AP1S1: variants seen among roughly 807,000 people sequenced by gnomAD.
AP1S1 encodes the protein adaptor related protein complex 1 subunit sigma 1, also known as AP-1 complex subunit sigma-1A.
AP1S1 carries 13 observed loss-of-function variants against 23.9 expected under a neutral mutation model. The observed-to-expected ratio is 0.54, with a 90% CI of 0.35 to 0.86. AP1S1 has a LOEUF of 0.86. Ranked by LOEUF, AP1S1 falls within the 40% of genes least tolerant of loss-of-function variation. The pLI is 0.01. For synonymous variants in AP1S1, 84 were observed against 77.7 expected, an observed-to-expected ratio of 1.08 and a Z score of -0.43; for missense variants, 119 against 197.6, an observed-to-expected ratio of 0.60 and a Z score of 2.38.
At chr7:101,160,228 T>C (rs1021890233) in intron 4 of AP1S1, among the ~76,000 whole-genome samples, 6 of 151,720 alleles carry the variant, frequency 4.0e-5, no homozygotes, top group Non-Finnish European at 7.4e-5. Context: ...CCCCCAGGTG[T>C]CAAGGCGGGG....
rs1465500913 is a variant in AP1S1 at position 101,158,900 on chromosome 7, GTC to G, written c.292-155_292-154del. On this transcript the variant is annotated intron_variant, in intron 3 of 4. Transcript: ENST00000337619. ...CCTGGACGACAGAGCAAGAGACCCT[GTC>G]TCTAACAAAATAACGAAACAAAAAA... Among the ~76,000 whole-genome samples, 11 of 152,260 alleles carry G rather than the reference GTC, an allele frequency of 7.2e-5. No individual in the cohort carries two copies. The East Asian group carries it at 1.9e-3, about 27-fold the overall frequency.
chr7:101,160,382 G>C, intron 4 of AP1S1, 137 bp from the exon 5 acceptor site: 2 of 1,054,172 alleles, frequency 1.9e-6, no homozygotes, highest in South Asian at 1.4e-5. Context: ...GTCCGGCCTT[G>C]GGCTCACATT....
At position 101,160,633 on chromosome 7, in the gene AP1S1, G is replaced by A. The variant is rs1474825979; in HGVS notation, c.*67G>A. ...TGGCGGGAACGGCTGCTTCTCCTCT[G>A]CCCAGGGCCCTGTTCTTGGTGGGAC... On this transcript the variant is annotated 3_prime_UTR_variant, in exon 5 of 5. Coordinates refer to ENST00000337619, the MANE Select transcript of AP1S1 (RefSeq NM_001283.5). 4.3e-5 allele frequency: 67 copies of A among 1,563,236 alleles called. No homozygotes were observed. The highest frequency in any genetic ancestry group is 5.4e-5 in the Non-Finnish European group (62 of 1,145,822).
intron 1 of AP1S1, chr7:101,154,922 G>T: frequency 9.2e-7 from 1 of 1,084,780 alleles, no homozygotes; most frequent in East Asian, 6.4e-5. Flanking sequence ...GCACAGGCGG[G>T]AGCGGGGACC....
intron 2 of AP1S1, among the ~76,000 whole-genome samples, 157 bp downstream of exon 2, chr7:101,156,929 T>C (rs949054686): frequency 6.6e-5 from 9 of 135,860 alleles, no homozygotes; most frequent in South Asian, 2.3e-4. Context: ...TTTTTTTTTT[T>C]CTCCCCAAAC....
intron 3 of AP1S1, among the ~76,000 whole-genome samples, chr7:101,157,891 T>C (rs1797019625): frequency 6.6e-6 from 1 of 152,094 alleles, no homozygotes; most frequent in African/African-American, 2.4e-5. Flanking sequence ...GCTCAAGCCA[T>C]CCTCCTGCCT....
chr7:101,154,990 C>T lies in AP1S1; in HGVS notation c.3+473C>T, dbSNP rs553567531. On this transcript the variant is annotated intron_variant, in intron 1 of 4. Coordinates refer to ENST00000337619, the MANE Select transcript of AP1S1 (RefSeq NM_001283.5). Reference sequence around the variant, plus strand: ...CCGGGTCGGAAAAGGGAGCGCCCTACTGCGTTCGTGGCCGTGCTTGCCTAG... The same window carrying T: ...CCGGGTCGGAAAAGGGAGCGCCCTATTGCGTTCGTGGCCGTGCTTGCCTAG... The T allele has an allele frequency of 3.3e-5, 33 of 1,009,212 alleles. No individual in the cohort carries two copies. The East Asian group carries it at 1.4e-3, about 44-fold the overall frequency. The allele number at this position is 1,009,212 out of a possible 1,614,324, so 62.5% of individuals were successfully genotyped here. A position where few individuals can be genotyped will look rare whatever the true frequency, so the allele number is the denominator to read the frequency against.
chr7:101,156,564 C>T, intron 1 of AP1S1, 30 bp from the exon 2 acceptor site: 7 of 1,595,008 alleles, frequency 4.4e-6, no homozygotes, highest in Non-Finnish European at 6.0e-6. Flanking sequence ...TGTGTGGTTA[C>T]CCTCGGTTCT....
rs1388029667 is a variant in AP1S1 at position 101,154,524 on chromosome 7, T to A, written c.3+7T>A. ...AGCCGGAGGCTGCAGGATGGTAGGC[T>A]GTGCGAAGAGGGAGGGGAGGGGGAA... is the stretch of plus-strand genomic sequence containing the variant. On this transcript the variant is annotated splice_region_variant and intron_variant, in intron 1 of 4. Coordinates refer to ENST00000337619, the MANE Select transcript of AP1S1 (RefSeq NM_001283.5). The A allele has an allele frequency of 1.3e-6, 2 of 1,559,704 alleles. No homozygotes were observed. Among genetic ancestry groups the A allele is most frequent in the Non-Finnish European group, 8.7e-7 (1 of 1,154,450 alleles).
chr7:101,156,197 A>C (rs1368769360), intron 1 of AP1S1, among the ~76,000 whole-genome samples: 1 of 152,130 alleles, frequency 6.6e-6, no homozygotes, highest in African/African-American at 2.4e-5. Flanking sequence ...GCGCCACTGC[A>C]CTCCAGCCTG....
intron 3 of AP1S1, 150 bp from the exon 4 acceptor site, chr7:101,158,909 A>AG (rs1797038773): frequency 1.3e-5 from 14 of 1,080,950 alleles, no homozygotes; most frequent in Non-Finnish European, 1.7e-5. Flanking sequence ...TGTCTCTAAC[A>AG]AAATAACGAA....
chr7:101,160,374 C>A (rs1797076689), intron 4 of AP1S1, 145 bp from the exon 5 acceptor site: 2 of 984,852 alleles, frequency 2.0e-6, no homozygotes, highest in South Asian at 1.4e-5. Flanking sequence ...GCTCACTGGT[C>A]CGGCCTTGGG....
intron 1 of AP1S1, 154 bp from the exon 2 acceptor site, chr7:101,156,440 A>G: frequency 2.4e-6 from 2 of 843,488 alleles, no homozygotes; most frequent in South Asian, 3.7e-5. Context: ...AACCCAGCTG[A>G]CAGACTCAGA....
chr7:101,156,900 A>T, intron 2 of AP1S1, 128 bp downstream of exon 2: 1 of 668,206 alleles, frequency 1.5e-6, no homozygotes, highest in Non-Finnish European at 2.2e-6. Context: ...ACAGTAATGA[A>T]TGTCAGCTTC....
Position 101,154,919 on chromosome 7 carries a change from C to A in AP1S1, c.3+402C>A, listed in dbSNP as rs56297161. The A allele has an allele frequency of 3.1e-4, 322 of 1,042,586 alleles. 1 individual carries two copies. The African/African-American group carries it at 5.2e-3, about 17-fold the overall frequency. The allele number at this position is 1,042,586 out of a possible 1,614,324, so 64.6% of individuals were successfully genotyped here. A position where few individuals can be genotyped will look rare whatever the true frequency, so the allele number is the denominator to read the frequency against. On this transcript the variant is annotated intron_variant, in intron 1 of 4. Coordinates refer to ENST00000337619, the MANE Select transcript of AP1S1 (RefSeq NM_001283.5). Reference sequence around the variant, plus strand: ...AGACCCCCTTCCCGGGCTGCACAGGCGGGAGCGGGGACCCGGGTGGGGAGA... The same window carrying A: ...AGACCCCCTTCCCGGGCTGCACAGGAGGGAGCGGGGACCCGGGTGGGGAGA...
chr7:101,157,129 A>G (rs116628288), intron 2 of AP1S1, among the ~76,000 whole-genome samples: 1,874 of 152,190 alleles, frequency 0.012, 40 homozygotes, highest in African/African-American at 0.042. Context: ...CAGGTAAATT[A>G]CTTGGCTCAG....
chr7:101,160,137 GA>G (rs1797072003), intron 4 of AP1S1, among the ~76,000 whole-genome samples: 1 of 151,720 alleles, frequency 6.6e-6, no homozygotes, highest in Non-Finnish European at 1.5e-5. Context: ...TCCCCACTCT[GA>G]AAAACAGGAC....
In AP1S1 at chr7:101,160,705, G is replaced by GCT; in HGVS notation, c.*141_*142dup. ...CCTCACCTTTCGGAGTGAGCTGTGG[G>GCT]CTCAGGCCCTTCAAACATTCCCTCC... is the stretch of plus-strand genomic sequence containing the variant. On this transcript the variant is annotated 3_prime_UTR_variant, in exon 5 of 5. Coordinates refer to ENST00000337619, the MANE Select transcript of AP1S1 (RefSeq NM_001283.5). 1 of 1,008,492 alleles carries GCT rather than the reference G, an allele frequency of 9.9e-7. No individual in the cohort carries two copies. Among genetic ancestry groups the GCT allele is most frequent in the East Asian group, 2.5e-5 (1 of 40,438 alleles). The allele number at this position is 1,008,492 out of a possible 1,614,324, so 62.5% of individuals were successfully genotyped here.
At position 101,154,525 on chromosome 7, in the gene AP1S1, G is replaced by C. The variant is rs1325922053; in HGVS notation, c.3+8G>C. 1.9e-6 allele frequency: 3 copies of C among 1,569,724 alleles called. No individual in the cohort carries two copies. Among genetic ancestry groups the C allele is most frequent in the South Asian group, 2.3e-5 (2 of 85,314 alleles). ...GCCGGAGGCTGCAGGATGGTAGGCT[G>C]TGCGAAGAGGGAGGGGAGGGGGAAG... On this transcript the variant is annotated splice_region_variant and intron_variant, in intron 1 of 4. Transcript: ENST00000337619.
Sources: gnomAD v4.1 joint callset for allele counts (sites outside exome capture counted in the v4.1 genomes callset) on GRCh38, gnomAD v4.1.1 for gene constraint, MANE v1.5 for transcripts, NCBI Gene and HGNC (gene_info 2026-07-23, HGNC 2026-07-21) for gene names.